The following COL18A1 variants were observed in gnomAD, a reference collection of about 807,000 sequenced individuals.
COL18A1 encodes the protein collagen type XVIII alpha 1 chain.
A neutral mutation model predicts 168.0 loss-of-function variants in COL18A1; 133 were observed. The ratio of observed to expected loss-of-function variants is 0.79; its 90% confidence interval spans 0.69 to 0.91. The LOEUF is 0.91. COL18A1 is among the 40% of genes least tolerant of loss of function. The pLI is 0.00. For synonymous variants in COL18A1, 949 were observed against 809.0 expected (o/e 1.17, Z -2.94); for missense variants, 2,126 against 1,925.4 (o/e 1.10, Z -1.95).
At chr21:45,415,801 C>G (rs1301853725) in intron 2 of COL18A1, among the ~76,000 whole-genome samples, 1 of 152,218 alleles carries the variant, frequency 6.6e-6, no homozygotes, top group East Asian at 1.9e-4. Context: ...CCGGGTGGAG[C>G]CCCAGGTGGT....
rs915952465 is a variant in COL18A1, at chr21:45,425,218, G to T, written c.106+19745G>T. On this transcript the variant is annotated intron_variant, in intron 2 of 41. Coordinates refer to ENST00000651438, the MANE Select transcript of COL18A1 (RefSeq NM_001379500.1). The surrounding 1 kb of genome is among the most constrained non-coding windows in gnomAD (Gnocchi z 4.1). ...TGCGCAGAGCCCCAGCCATGTGTGT[G>T]CTGAGTGCAGTGTGACCGCGTCCGC... The T allele has an allele frequency of 1.3e-5, 2 of 152,492 alleles. No homozygotes were observed. Among genetic ancestry groups the T allele is most frequent in the Non-Finnish European group, 2.9e-5 (2 of 68,322 alleles). The allele number at this position is 152,492 out of a possible 1,614,324, so 9.4% of individuals were successfully genotyped here.
chr21:45,474,349 GTGTC>G (rs374283446), intron 4 of COL18A1, among the ~76,000 whole-genome samples: 20 of 150,504 alleles, frequency 1.3e-4, no homozygotes, highest in African/African-American at 3.7e-4. Flanking sequence ...GGATGTGTGT[GTGTC>G]TGTGTGGTGT....
At chr21:45,470,554 T>C (rs938967970) in intron 3 of COL18A1, among the ~76,000 whole-genome samples, 11 of 149,858 alleles carry the variant, frequency 7.3e-5, no homozygotes, top group African/African-American at 2.7e-4. Flanking sequence ...TGGGGTGATC[T>C]CGGCTCACTG....
At chr21:45,489,217 C>G (rs2036216245) in intron 18 of COL18A1, among the ~76,000 whole-genome samples, 1 of 152,262 alleles carries the variant, frequency 6.6e-6, no homozygotes, top group Non-Finnish European at 1.5e-5. Context: ...GAGGCCGTCT[C>G]AGCGGGGTTC....
At chr21:45,441,204 C>G (rs866507641) in intron 2 of COL18A1, among the ~76,000 whole-genome samples, 1 of 152,244 alleles carries the variant, frequency 6.6e-6, no homozygotes, top group African/African-American at 2.4e-5. Context: ...CCCCTACACA[C>G]AGAGGCTGCT....
At chr21:45,491,464 T>TGTAGA in intron 22 of COL18A1, 150 bp downstream of exon 22, 1 of 628,156 alleles carries the variant, frequency 1.6e-6, no homozygotes, top group Non-Finnish European at 2.9e-6. Flanking sequence ...CGGTGGGGGC[T>TGTAGA]GCAGACGCCC....
chr21:45,478,223 C>A, intron 8 of COL18A1, 104 bp from the exon 9 acceptor site: 1 of 1,491,672 alleles, frequency 6.7e-7, no homozygotes, highest in Non-Finnish European at 9.3e-7. Flanking sequence ...AGGCGTCTGC[C>A]GCCTCGTGGG....
intron 41 of COL18A1, 142 bp downstream of exon 41, chr21:45,511,368 G>A: frequency 1.5e-6 from 1 of 680,442 alleles, no homozygotes; most frequent in South Asian, 1.5e-5. Flanking sequence ...AAATCCAAAA[G>A]AGCATTGAGA....
chr21:45,481,427 G>A (rs977146893), intron 13 of COL18A1, among the ~76,000 whole-genome samples: 6 of 152,204 alleles, frequency 3.9e-5, no homozygotes, highest in African/African-American at 9.7e-5. Flanking sequence ...CTGGCATCCC[G>A]TGGCCTGGGG....
chr21:45,430,183 G>C (rs2033917861), intron 2 of COL18A1, among the ~76,000 whole-genome samples: 1 of 151,710 alleles, frequency 6.6e-6, no homozygotes. Flanking sequence ...TGGGGTCATG[G>C]TTTGGGGGCC....
rs530109546 is a variant in COL18A1, at chr21:45,489,279, C to T, written c.1924-207C>T. Among the ~76,000 whole-genome samples, 208 of 152,328 alleles carry T rather than the reference C, an allele frequency of 1.4e-3. 2 individuals are homozygous for T. Among genetic ancestry groups the T allele is most frequent in the African/African-American group, 4.6e-3 (192 of 41,572 alleles). On this transcript the variant is annotated intron_variant, in intron 18 of 41. Coordinates refer to ENST00000651438, the MANE Select transcript of COL18A1 (RefSeq NM_001379500.1). The stretch of plus-strand genomic sequence containing the variant: ...GGAATATGTCCCCAGGTTCCGCAGC[C>T]GTCCCGGCCGGGTGCCTTCAGCCAG...
In COL18A1 at chr21:45,437,177, C is replaced by T. The variant is rs1370228398; in HGVS notation, c.107-31065C>T. On this transcript the variant is annotated intron_variant, in intron 2 of 41. Coordinates refer to ENST00000651438, the MANE Select transcript of COL18A1 (RefSeq NM_001379500.1). The stretch of plus-strand genomic sequence containing the variant: ...ACTCAGACACAGGCACTCTCCTGCA[C>T]ACACACTCACACAGACACACAGGCA... 1.7e-4 allele frequency among the ~76,000 whole-genome samples: 16 copies of T among 96,260 alleles called. 2 individuals are homozygous for T. Among genetic ancestry groups the T allele is most frequent in the African/African-American group, 9.0e-4 (14 of 15,480 alleles). The allele number at this position is 96,260 out of a possible 152,430, so 63.2% of individuals were successfully genotyped here. A position where few individuals can be genotyped will look rare whatever the true frequency, so the allele number is the denominator to read the frequency against.
At chr21:45,509,288 G>T in intron 38 of COL18A1, 68 bp from the exon 39 acceptor site, 1 of 1,530,930 alleles carries the variant, frequency 6.5e-7, no homozygotes. Context: ...GCCCAGAGGA[G>T]GACACAGATG....
chr21:45,501,405 C>T (rs1006442635), intron 32 of COL18A1, among the ~76,000 whole-genome samples: 1 of 152,098 alleles, frequency 6.6e-6, no homozygotes. Context: ...CGGGGTCTGC[C>T]CCAGAGGGGC....
rs780959097 is a variant in COL18A1 at position 45,498,284 on chromosome 21, T to C, written c.2683+623T>C. 22 of 707,590 alleles carry C rather than the reference T, an allele frequency of 3.1e-5. No individual in the cohort carries two copies. The East Asian group carries it at 5.1e-4, about 16-fold the overall frequency. 43.8% of individuals were successfully genotyped at this position (707,590 alleles called of 1,614,324 possible). A position where few individuals can be genotyped will look rare whatever the true frequency, so the allele number is the denominator to read the frequency against. ...AGAGCCAGGCTAGCCTCGGGCGCCT[T>C]TCACCACCAGGGTCCCCTCTCGCCG... On this transcript the variant is annotated intron_variant, in intron 32 of 41. Transcript: ENST00000651438. The surrounding 1 kb of genome is among the most constrained non-coding windows in gnomAD (Gnocchi z 4.5).
intron 2 of COL18A1, among the ~76,000 whole-genome samples, chr21:45,415,520 G>T (rs2033416611): frequency 1.3e-5 from 2 of 152,218 alleles, no homozygotes; most frequent in Non-Finnish European, 1.5e-5. Flanking sequence ...GGGCGGCGGA[G>T]CGGGGCTGTG....
chr21:45,405,320 C>CTGCGG (rs1569270282), intron 1 of COL18A1, 59 bp from the exon 2 acceptor site: 4 of 385,588 alleles, frequency 1.0e-5, no homozygotes, highest in African/African-American at 4.9e-5. Context: ...GGGGCTCGGC[C>CTGCGG]GGGTCCTGCG....
chr21:45,406,269 G>A (rs2033106699), intron 2 of COL18A1, among the ~76,000 whole-genome samples: 1 of 152,174 alleles, frequency 6.6e-6, no homozygotes, highest in Non-Finnish European at 1.5e-5. Flanking sequence ...GCCTTGTCGC[G>A]GGTGGAATCC....
chr21:45,405,293 G>A, intron 1 of COL18A1, 52 bp downstream of exon 1: 2 of 837,576 alleles, frequency 2.4e-6, no homozygotes, highest in Non-Finnish European at 3.1e-6. Context: ...TGCGGCTGCG[G>A]GGGTCGCGGG....
Sources: allele counts gnomAD v4.1 joint callset (sites outside exome capture counted in the v4.1 genomes callset), GRCh38; gene constraint gnomAD v4.1.1; non-coding constraint Gnocchi (gnomAD v3.1); transcripts MANE v1.5; gene names NCBI Gene and HGNC (gene_info 2026-07-23, HGNC 2026-07-21).